Variants in MDFIC observed in about 807,000 individuals in gnomAD.
MDFIC encodes the protein MyoD family inhibitor domain containing.
MDFIC carries 17 observed loss-of-function variants against 23.2 expected under a neutral mutation model. The observed-to-expected ratio is 0.73, with a 90% CI of 0.50 to 1.10. The LOEUF (loss-of-function observed/expected upper bound fraction) is 1.10. Among genes scored for constraint, MDFIC ranks in the 50% least tolerant of loss-of-function variants. The probability of loss-of-function intolerance (pLI) is 0.00; values close to 1 mark genes in which losing one functional copy is unlikely to be tolerated. For missense variants in MDFIC, 356 were observed against 316.6 expected (o/e 1.12, Z -0.95); for synonymous variants, 120 against 115.2 (o/e 1.04, Z -0.27).
chr7:114,936,854 A>T (rs955241053), intron 2 of MDFIC, among the ~76,000 whole-genome samples: 3 of 152,074 alleles, frequency 2.0e-5, no homozygotes, highest in Non-Finnish European at 2.9e-5. Flanking sequence ...GTCCTTTGAA[A>T]ACCATTAATA....
Position 114,922,903 on chromosome 7 carries a change from T to A in MDFIC, c.-107-24T>A, listed in dbSNP as rs199965027. ...TCTTCTCTAAAAACATTTTTTTTTTTAATTTTGTATATTTTTCCGCCAGAA... is the reference window on the plus strand; with the variant it reads ...TCTTCTCTAAAAACATTTTTTTTTTAAATTTTGTATATTTTTCCGCCAGAA... On this transcript the variant is annotated intron_variant, in intron 1 of 4. Transcript: ENST00000393486. 6.0e-4 allele frequency: 930 copies of A among 1,562,628 alleles called. 3 individuals are homozygous for A. In the African/African-American group the frequency reaches 6.3e-3, roughly 11 times the overall value.
chr7:114,964,406 A>C (rs1048025259), intron 3 of MDFIC, among the ~76,000 whole-genome samples: 5 of 152,200 alleles, frequency 3.3e-5, no homozygotes, highest in African/African-American at 9.6e-5. Context: ...TGTACTTATT[A>C]AGATTTTATT....
chr7:114,927,031 T>C (rs1268022234), intron 2 of MDFIC, among the ~76,000 whole-genome samples: 1 of 152,128 alleles, frequency 6.6e-6, no homozygotes, highest in African/African-American at 2.4e-5. Flanking sequence ...GCTACTAGCA[T>C]CTAGTGAGTG....
At position 115,014,066 on chromosome 7, in the gene MDFIC, G is replaced by A. The variant is rs1472316397; in HGVS notation, c.494-1622G>A. 4.1e-6 allele frequency: 4 copies of A among 985,286 alleles called. No individual in the cohort carries two copies. In the East Asian group the frequency reaches 4.5e-4, roughly 112 times the overall value. 61.0% of individuals were successfully genotyped at this position (985,286 alleles called of 1,614,324 possible). Reference sequence around the variant, plus strand: ...GTGTCCTTCTACAAACACAACTCTGGAATTTCCCTTTTGAGTACTCTCTGA... The same window carrying A: ...GTGTCCTTCTACAAACACAACTCTGAAATTTCCCTTTTGAGTACTCTCTGA... On this transcript the variant is annotated intron_variant, in intron 4 of 4. Transcript: ENST00000393486.
chr7:114,946,282 G>A (rs1404475515), intron 3 of MDFIC, among the ~76,000 whole-genome samples: 3 of 151,808 alleles, frequency 2.0e-5, no homozygotes, highest in Non-Finnish European at 4.4e-5. Context: ...TCAGGCATGT[G>A]TAATATTTTC....
At chr7:114,982,089 G>A (rs1793427167) in intron 4 of MDFIC, among the ~76,000 whole-genome samples, 1 of 152,176 alleles carries the variant, frequency 6.6e-6, no homozygotes, top group Non-Finnish European at 1.5e-5. Context: ...GATTCTGTGA[G>A]TCTCTTTTTA....
intron 4 of MDFIC, among the ~76,000 whole-genome samples, chr7:114,984,285 C>T (rs954761202): frequency 2.0e-5 from 3 of 152,076 alleles, no homozygotes; most frequent in Admixed American, 6.6e-5. Context: ...CCTTTTCCTA[C>T]TAGACTGTGA....
intron 3 of MDFIC, among the ~76,000 whole-genome samples, chr7:114,966,082 C>G (rs186424620): frequency 6.6e-6 from 1 of 151,932 alleles, no homozygotes; most frequent in East Asian, 1.9e-4. Context: ...CACATGTTTG[C>G]CAGATATCAT....
chr7:114,970,619 A>T (rs1793187706), intron 3 of MDFIC, among the ~76,000 whole-genome samples: 1 of 151,996 alleles, frequency 6.6e-6, no homozygotes, highest in Non-Finnish European at 1.5e-5. Context: ...CCCAGGATTT[A>T]CTCCTTGTGA....
At chr7:114,939,796 T>C (rs1792502561) in intron 2 of MDFIC, among the ~76,000 whole-genome samples, 1 of 152,226 alleles carries the variant, frequency 6.6e-6, no homozygotes, top group African/African-American at 2.4e-5. Flanking sequence ...CACGAATTAA[T>C]TTTAATGGAA....
intron 2 of MDFIC, among the ~76,000 whole-genome samples, chr7:114,933,136 T>C (rs905989274): frequency 3.9e-5 from 6 of 152,130 alleles, no homozygotes; most frequent in African/African-American, 1.4e-4. Context: ...TCTGTATAAC[T>C]GAGAGGTAAC....
chr7:114,968,507 A>G (rs1473468750), intron 3 of MDFIC, among the ~76,000 whole-genome samples: 1 of 152,222 alleles, frequency 6.6e-6, no homozygotes, highest in Admixed American at 6.5e-5. Flanking sequence ...TATGTGGGAT[A>G]AGCAGCTTGT....
intron 3 of MDFIC, among the ~76,000 whole-genome samples, chr7:114,945,506 G>A (rs1214897263): frequency 6.6e-6 from 1 of 152,182 alleles, no homozygotes. Flanking sequence ...GCAGGTGGAA[G>A]ACCTGGGGTA....
intron 3 of MDFIC, among the ~76,000 whole-genome samples, chr7:114,952,460 C>T (rs986679495): frequency 1.3e-5 from 2 of 151,882 alleles, no homozygotes; most frequent in Non-Finnish European, 2.9e-5. Context: ...GTGACAAATC[C>T]ATGCTCCACA....
Position 114,979,492 on chromosome 7 carries a change from T to A in MDFIC, c.218-14T>A, listed in dbSNP as rs757305804. 9.6e-5 allele frequency: 151 copies of A among 1,570,320 alleles called. No individual in the cohort carries two copies. Among genetic ancestry groups the A allele is most frequent in the Non-Finnish European group, 1.3e-4 (146 of 1,161,804 alleles). ...TTTCTTTAACTGGCTGACTTTTTCC[T>A]GTTTTTAATTTAGCCCAACCTCAGC... is the stretch of plus-strand genomic sequence containing the variant. On this transcript the variant is annotated splice_polypyrimidine_tract_variant and intron_variant, in intron 3 of 4. Transcript: ENST00000393486.
chr7:115,013,075 T>C (rs571769940), intron 4 of MDFIC, among the ~76,000 whole-genome samples: 1 of 152,300 alleles, frequency 6.6e-6, no homozygotes, highest in South Asian at 2.1e-4. Flanking sequence ...GAACTACAGC[T>C]ACACGAATCA....
chr7:114,939,623 T>C (rs773113960), intron 2 of MDFIC, among the ~76,000 whole-genome samples: 13 of 152,142 alleles, frequency 8.5e-5, no homozygotes, highest in Non-Finnish European at 1.5e-4. Flanking sequence ...CATCTATGTG[T>C]ATATGGTCCA....
In MDFIC at chr7:114,979,479, G is replaced by A; in HGVS notation, c.218-27G>A. The A allele has an allele frequency of 1.9e-6, 3 of 1,556,212 alleles. No homozygotes were observed. In the South Asian group the frequency reaches 3.7e-5, roughly 19 times the overall value. On this transcript the variant is annotated intron_variant, in intron 3 of 4. Transcript: ENST00000393486. ...ATATTAATTTCTTTTTCTTTAACTG[G>A]CTGACTTTTTCCTGTTTTTAATTTA...
chr7:115,014,521 A>G, intron 4 of MDFIC: 5 of 1,289,384 alleles, frequency 3.9e-6, no homozygotes, highest in Non-Finnish European at 5.1e-6. Context: ...AACACAAAGG[A>G]CATGTGACAA....
Sources: allele counts gnomAD v4.1 joint callset (sites outside exome capture counted in the v4.1 genomes callset), GRCh38; gene constraint gnomAD v4.1.1; transcripts MANE v1.5; gene names NCBI Gene and HGNC (gene_info 2026-07-23, HGNC 2026-07-21).